The following SPG11 variants were observed in gnomAD, a reference collection of about 807,000 sequenced individuals.
The protein encoded by SPG11 is spatacsin.
A neutral mutation model predicts 274.0 loss-of-function variants in SPG11; 222 were observed. The ratio of observed to expected loss-of-function variants is 0.81; its 90% CI spans 0.73 to 0.91. SPG11 has a LOEUF of 0.91. Among genes scored for constraint, SPG11 ranks in the 40% least tolerant of loss-of-function variants. SPG11 has a pLI of 0.00. For missense variants in SPG11, 3,114 were observed against 2,872.7 expected (o/e 1.08, Z -1.92); for synonymous variants, 1,144 against 1,039.7 (o/e 1.10, Z -1.93).
chr15:44,626,251 A>G, intron 11 of SPG11, 80 bp downstream of exon 11: 2 of 1,233,014 alleles, frequency 1.6e-6, no homozygotes, highest in Non-Finnish European at 2.3e-6. Context: ...TTATGAAATA[A>G]TTATGAATAC....
At chr15:44,571,905 C>T (rs193251064) in intron 33 of SPG11, among the ~76,000 whole-genome samples, 5 of 152,102 alleles carry the variant, frequency 3.3e-5, no homozygotes, top group South Asian at 2.1e-4. Context: ...GATCCTCCCA[C>T]CTCAGCCTCT....
chr15:44,607,514 C>G (rs1267024934), intron 19 of SPG11, among the ~76,000 whole-genome samples: 1 of 152,148 alleles, frequency 6.6e-6, no homozygotes, highest in East Asian at 1.9e-4. Flanking sequence ...AGTGACCCGC[C>G]CACCTTGGCC....
Position 44,611,069 on chromosome 15 carries a change from A to C in SPG11, c.3146-84T>G. The C allele has an allele frequency of 1.8e-6, 2 of 1,141,580 alleles. 1 individual carries two copies. The highest frequency in any genetic ancestry group is 2.6e-5 in the South Asian group (2 of 77,774). The allele number at this position is 1,141,580 out of a possible 1,614,324, so 70.7% of individuals were successfully genotyped here. On this transcript the variant is annotated intron_variant, in intron 17 of 39. Coordinates refer to ENST00000261866, the MANE Select transcript of SPG11 (RefSeq NM_025137.4). ...TACATAAATGTGAGAACAATAACATAAATTTTTAACTCTATCCCCAGTAAA... is the reference window on the plus strand; with the variant it reads ...TACATAAATGTGAGAACAATAACATCAATTTTTAACTCTATCCCCAGTAAA...
Position 44,636,936 on chromosome 15 carries a change from AAAAAAAAAAAAAAAAAAAAAAC to A in SPG11, c.1603-3321_1603-3300del, listed in dbSNP as rs1185415241. On this transcript the variant is annotated intron_variant, in intron 7 of 39. Coordinates refer to ENST00000261866, the MANE Select transcript of SPG11 (RefSeq NM_025137.4). Reference sequence around the variant, plus strand: ...GCAAGACTCCATCTCAAAAAAAAAAAAAAAAAAAAAAAAAAAAAAAACAAAAAAAAAACACAAATGTGGTAAA... The same window carrying A: ...GCAAGACTCCATCTCAAAAAAAAAAAAAAAAAAAAACACAAATGTGGTAAA... Among the ~76,000 whole-genome samples the A allele has an allele frequency of 2.5e-4, 30 of 119,068 alleles. 1 individual carries two copies. The highest frequency in any genetic ancestry group is 1.8e-3 in the South Asian group (6 of 3,422). 78.1% of individuals were successfully genotyped at this position (119,068 alleles called of 152,430 possible). A position where few individuals can be genotyped will look rare whatever the true frequency, so the allele number is the denominator to read the frequency against.
chr15:44,575,190 A>C (rs2082509399), intron 30 of SPG11, 149 bp from the exon 31 acceptor site: 1 of 908,072 alleles, frequency 1.1e-6, no homozygotes, highest in Non-Finnish European at 1.7e-6. Context: ...ACAGGGCCCC[A>C]CCTCAACTTC....
chr15:44,604,695 G>A (rs140544458), intron 20 of SPG11, among the ~76,000 whole-genome samples: 1,700 of 152,008 alleles, frequency 0.011, 40 homozygotes, highest in African/African-American at 0.039. Context: ...TTGGGAGGCC[G>A]AGGTGGGTGG....
intron 8 of SPG11, 181 bp downstream of exon 8, chr15:44,633,324 C>CAAAAAAAAAAAA (rs531787427): frequency 1.1e-4 from 12 of 108,920 alleles, no homozygotes; most frequent in African/African-American, 7.2e-4. Context: ...GACTCTGTCT[C>CAAAAAAAAAAAA]AAAAAAAAAA....
chr15:44,627,666 C>T (rs1400072882), intron 10 of SPG11, among the ~76,000 whole-genome samples: 6 of 151,814 alleles, frequency 4.0e-5, no homozygotes, highest in African/African-American at 1.2e-4. Context: ...CTCAGCTCAC[C>T]GCAACCTCCA....
At chr15:44,609,895 ATT>A (rs771457335) in intron 18 of SPG11, among the ~76,000 whole-genome samples, 62 of 106,096 alleles carry the variant, frequency 5.8e-4, no homozygotes, top group African/African-American at 2.0e-3. Flanking sequence ...TGCCCAGCTA[ATT>A]TTTTTTTTTT....
Position 44,584,425 on chromosome 15 carries a change from A to G in SPG11, c.5255T>C (p.Phe1752Ser). ...SISSKAASSF[F>S]STQAHVACEH... The stretch of plus-strand genomic sequence containing the variant: ...ACATGCCACATGGGCCTGGGTTGAG[A>G]AAAAGGAAGAAGCTGCTTTGCTTGA... The change falls in exon 30 of 40, where the codon TTC (phenylalanine) becomes TCC (serine). Residue 1752 changes from phenylalanine (F) to serine (S), a missense_variant. Coordinates refer to ENST00000261866, the MANE Select transcript of SPG11 (RefSeq NM_025137.4). 1 of 1,614,202 alleles carries G rather than the reference A, an allele frequency of 6.2e-7. No homozygotes were observed. The highest frequency in any genetic ancestry group is 1.1e-5 in the South Asian group (1 of 91,086).
chr15:44,576,494 A>G (rs1384752560), intron 30 of SPG11, among the ~76,000 whole-genome samples: 1 of 151,172 alleles, frequency 6.6e-6, no homozygotes, highest in Non-Finnish European at 1.5e-5. Flanking sequence ...TAAAACTACA[A>G]AAAAATTAGC....
At chr15:44,602,909 T>C (rs12915021) in intron 20 of SPG11, among the ~76,000 whole-genome samples, 1 of 152,190 alleles carries the variant, frequency 6.6e-6, no homozygotes, top group Admixed American at 6.5e-5. Context: ...AATAACCCTA[T>C]AGTTGTAAAG....
intron 8 of SPG11, among the ~76,000 whole-genome samples, chr15:44,632,671 C>A (rs2084105717): frequency 1.3e-5 from 2 of 151,948 alleles, no homozygotes; most frequent in South Asian, 2.1e-4. Context: ...TCATGCCCAA[C>A]TAATTTTTAA....
Position 44,595,367 on chromosome 15 carries a change from T to C in SPG11, c.4527A>G (p.Ser1509=). 6.2e-7 allele frequency: 1 copy of C among 1,614,212 alleles called. No homozygotes were observed. The change falls in exon 26 of 40, where the codon TCA becomes TCG. Residue 1509 remains serine (S), a synonymous_variant. Transcript: ENST00000261866. ...CAAGGTTCCAGGTATGGTCCTCTGT[T>C]GAGTCCTGAATGTGTCCCATTGCTT... ...ATEAMGHIQD[S]TEDHTWNLED... is the part of the protein sequence containing the mutation.
At chr15:44,575,151 T>TCAGAGTAATGGG in intron 30 of SPG11, 110 bp from the exon 31 acceptor site, 1 of 1,367,942 alleles carries the variant, frequency 7.3e-7, no homozygotes, top group Non-Finnish European at 1.0e-6. Flanking sequence ...GCACTCCCAT[T>TCAGAGTAATGGG]ACTCTGACTG....
intron 3 of SPG11, among the ~76,000 whole-genome samples, chr15:44,658,855 A>C (rs1259513825): frequency 6.6e-6 from 1 of 152,264 alleles, no homozygotes; most frequent in Non-Finnish European, 1.5e-5. Context: ...TGTATGGTTA[A>C]TACTATTAAA....
At chr15:44,608,642 A>G in intron 18 of SPG11, 37 bp from the exon 19 acceptor site, 1 of 1,602,478 alleles carries the variant, frequency 6.2e-7, no homozygotes, top group Non-Finnish European at 8.5e-7. Context: ...GGACAGTAGC[A>G]TTTTTCTCTT....
chr15:44,601,323 T>C (rs1487270437), intron 20 of SPG11, among the ~76,000 whole-genome samples: 1 of 152,098 alleles, frequency 6.6e-6, no homozygotes, highest in Middle Eastern at 3.4e-3. Context: ...TGCAGTGGCA[T>C]AATCTTGGCT....
chr15:44,590,727 G>C (rs1402735656), intron 27 of SPG11: 1 of 152,128 alleles, frequency 6.6e-6, no homozygotes, highest in Non-Finnish European at 1.5e-5. Flanking sequence ...GGGCGTTTTG[G>C]TGGAATAGAA....
Sources: allele counts gnomAD v4.1 joint callset (sites outside exome capture counted in the v4.1 genomes callset), GRCh38; gene constraint gnomAD v4.1.1; transcripts MANE v1.5; gene names NCBI Gene and HGNC (gene_info 2026-07-23, HGNC 2026-07-21).